Variants in SYT16 observed in about 807,000 individuals in gnomAD.
SYT16 encodes the protein synaptotagmin 16, also known as synaptotagmin-16.
A neutral mutation model predicts 61.4 loss-of-function variants in SYT16; 42 were observed. That is an observed-to-expected ratio of 0.68 (90% CI 0.53 to 0.89). The LOEUF (loss-of-function observed/expected upper bound fraction) is 0.89, where lower values mean the gene tolerates loss of function less well. SYT16 is among the 40% of genes least tolerant of loss of function. The pLI, the probability that SYT16 is intolerant of heterozygous loss-of-function variation, is 0.00. For synonymous variants in SYT16, 314 were observed against 302.3 expected, an observed-to-expected ratio of 1.04 and a Z score of -0.40; for missense variants, 804 against 807.3, an observed-to-expected ratio of 1.00 and a Z score of 0.05.
At chr14:61,934,547 A>T (rs958284405) in intron 1 of SYT16, among the ~76,000 whole-genome samples, 1 of 152,244 alleles carries the variant, frequency 6.6e-6, no homozygotes, top group African/African-American at 2.4e-5. Flanking sequence ...GCACGTGCTT[A>T]GATGTATTAT....
intron 1 of SYT16, among the ~76,000 whole-genome samples, chr14:61,931,818 G>A (rs940127723): frequency 2.0e-5 from 3 of 152,078 alleles, no homozygotes; most frequent in African/African-American, 7.2e-5. Flanking sequence ...TGTTACATAT[G>A]TATACATGTG....
intron 1 of SYT16, among the ~76,000 whole-genome samples, chr14:61,917,786 T>G (rs949431241): frequency 6.6e-6 from 1 of 152,274 alleles, no homozygotes; most frequent in South Asian, 2.1e-4. Context: ...TCTGAAATGT[T>G]TGGGAGCAGA....
At chr14:61,924,919 T>G (rs560248330) in intron 1 of SYT16, among the ~76,000 whole-genome samples, 1 of 152,340 alleles carries the variant, frequency 6.6e-6, no homozygotes, top group African/African-American at 2.4e-5. Flanking sequence ...TGTGTTAGCT[T>G]CTTGATCCTT....
chr14:61,876,064 G>A (rs1051011292), intron 1 of SYT16, among the ~76,000 whole-genome samples: 4 of 152,106 alleles, frequency 2.6e-5, no homozygotes, highest in Non-Finnish European at 5.9e-5. Flanking sequence ...GTGTGTGTGC[G>A]TGTGTGTGTG....
At chr14:61,900,339 G>A (rs1009773351) in intron 1 of SYT16, among the ~76,000 whole-genome samples, 1 of 152,088 alleles carries the variant, frequency 6.6e-6, no homozygotes, top group African/African-American at 2.4e-5. Context: ...TGTATTTGTA[G>A]TAGAGACGGG....
intron 1 of SYT16, among the ~76,000 whole-genome samples, chr14:61,850,836 A>G (rs2140270694): frequency 6.6e-6 from 1 of 152,320 alleles, no homozygotes; most frequent in Non-Finnish European, 1.5e-5. Flanking sequence ...GAAAGGGTTA[A>G]GGGGATGAAT....
chr14:62,048,558 A>T (rs189125766), intron 3 of SYT16, among the ~76,000 whole-genome samples: 1 of 151,954 alleles, frequency 6.6e-6, no homozygotes, highest in Admixed American at 6.6e-5. Flanking sequence ...GGTTCTTTTA[A>T]TTGTGATGTT....
intron 7 of SYT16, among the ~76,000 whole-genome samples, chr14:62,088,472 C>G (rs2056961240): frequency 6.6e-6 from 1 of 152,106 alleles, no homozygotes; most frequent in Non-Finnish European, 1.5e-5. Context: ...AGGAAATGTT[C>G]TGGGATGATG....
intron 2 of SYT16, among the ~76,000 whole-genome samples, chr14:61,983,324 C>A (rs2052165265): frequency 6.6e-6 from 1 of 152,172 alleles, no homozygotes; most frequent in South Asian, 2.1e-4. Flanking sequence ...ATACCTTATT[C>A]ATAAAAGCTC....
At chr14:61,969,212 T>C (rs1164444952) in intron 1 of SYT16, among the ~76,000 whole-genome samples, 1 of 147,986 alleles carries the variant, frequency 6.8e-6, no homozygotes, top group African/African-American at 2.6e-5. Flanking sequence ...CGTTCACATA[T>C]ACCCAATTCC....
intron 1 of SYT16, among the ~76,000 whole-genome samples, chr14:61,880,398 C>G (rs1007584175): frequency 6.6e-6 from 1 of 152,224 alleles, no homozygotes; most frequent in African/African-American, 2.4e-5. Flanking sequence ...AGTCCAGACA[C>G]AGGGCAGAGC....
At chr14:62,033,419 A>G (rs1490381920) in intron 3 of SYT16, among the ~76,000 whole-genome samples, 3 of 152,154 alleles carry the variant, frequency 2.0e-5, no homozygotes, top group African/African-American at 7.2e-5. Context: ...CTATCCATCA[A>G]AGGGAATATT....
chr14:62,079,382 TA>T, intron 5 of SYT16: 1 of 1,228,876 alleles, frequency 8.1e-7, no homozygotes, highest in Non-Finnish European at 1.1e-6. Flanking sequence ...ATTAGATGTC[TA>T]CTGTCTGTCA....
intron 3 of SYT16, among the ~76,000 whole-genome samples, chr14:62,021,023 CTG>C (rs1010610969): frequency 1.3e-5 from 2 of 152,068 alleles, no homozygotes; most frequent in African/African-American, 4.8e-5. Context: ...TGGTTTTATT[CTG>C]TGTTGGAAAT....
chr14:62,069,951 A>C, intron 4 of SYT16, 136 bp downstream of exon 4: 2 of 1,032,500 alleles, frequency 1.9e-6, no homozygotes, highest in Non-Finnish European at 2.8e-6. Flanking sequence ...CATTACGTGG[A>C]GCAAAGGGGC....
intron 3 of SYT16, among the ~76,000 whole-genome samples, chr14:62,016,429 C>G (rs551381815): frequency 1.3e-5 from 2 of 151,300 alleles, no homozygotes; most frequent in Admixed American, 6.6e-5. Flanking sequence ...TGTGGTGGCT[C>G]ACGTCTGTAA....
intron 1 of SYT16, among the ~76,000 whole-genome samples, chr14:61,912,941 A>G (rs149805646): frequency 6.6e-6 from 1 of 152,336 alleles, no homozygotes; most frequent in East Asian, 1.9e-4. Flanking sequence ...ATAAAGATAA[A>G]AAGTGGGATA....
intron 1 of SYT16, among the ~76,000 whole-genome samples, chr14:61,903,003 A>C (rs539072513): frequency 1.3e-5 from 2 of 152,326 alleles, no homozygotes; most frequent in South Asian, 4.1e-4. Context: ...CAGTCAAATC[A>C]TATCAGTTTT....
At chr14:62,085,765 C>A (rs953255797) in intron 7 of SYT16, among the ~76,000 whole-genome samples, 5 of 152,112 alleles carry the variant, frequency 3.3e-5, no homozygotes, top group African/African-American at 4.8e-5. Context: ...TATTCTATGT[C>A]GACACTCAGA....
Sources: gnomAD v4.1 joint callset for allele counts (sites outside exome capture counted in the v4.1 genomes callset) on GRCh38, gnomAD v4.1.1 for gene constraint, MANE v1.5 for transcripts, NCBI Gene and HGNC (gene_info 2026-07-23, HGNC 2026-07-21) for gene names.